Variants in NAT10 observed in about 807,000 individuals in gnomAD.
NAT10 encodes the protein RNA cytidine acetyltransferase.
A neutral mutation model predicts 132.2 loss-of-function variants in NAT10; 109 were observed. That is an observed-to-expected ratio of 0.82 (90% CI 0.71 to 0.97). The LOEUF (loss-of-function observed/expected upper bound fraction) is 0.97. Among genes scored for constraint, NAT10 ranks in the 50% least tolerant of loss-of-function variants. The pLI is 0.00. For missense variants in NAT10, 1,184 were observed against 1,263.4 expected, an observed-to-expected ratio of 0.94 and a Z score of 0.95; for synonymous variants, 479 against 478.0, an observed-to-expected ratio of 1.00 and a Z score of -0.03.
rs1852121153 is a variant in NAT10, at chr11:34,132,354, C to T, written c.1617+133C>T. ...TCCATTGGGACATTGATGAGTTCCA[C>T]TGATCTTGCTGTGTGTAGGTATAGA... On this transcript the variant is annotated intron_variant, in intron 15 of 28. Coordinates refer to ENST00000257829, the MANE Select transcript of NAT10 (RefSeq NM_024662.3). 1.7e-5 allele frequency: 13 copies of T among 746,698 alleles called. No individual in the cohort carries two copies. In the East Asian group the frequency reaches 3.3e-4, roughly 19 times the overall value. 46.3% of individuals were successfully genotyped at this position (746,698 alleles called of 1,614,324 possible). A position where few individuals can be genotyped will look rare whatever the true frequency, so the allele number is the denominator to read the frequency against.
chr11:34,108,354 C>G (rs756810947), intron 2 of NAT10, 21 bp downstream of exon 2: 1 of 1,566,798 alleles, frequency 6.4e-7, no homozygotes. Flanking sequence ...GTAAATGCTT[C>G]CTGAATTACT....
intron 16 of NAT10, 29 bp from the exon 17 acceptor site, chr11:34,134,290 C>T (rs759044963): frequency 1.3e-6 from 2 of 1,595,766 alleles, no homozygotes; most frequent in South Asian, 2.2e-5. Flanking sequence ...GTTGGCCTTT[C>T]TGCCTGCACT....
At chr11:34,128,861 G>T (rs938597148) in intron 12 of NAT10, among the ~76,000 whole-genome samples, 1 of 152,044 alleles carries the variant, frequency 6.6e-6, no homozygotes, top group Non-Finnish European at 1.5e-5. Flanking sequence ...CCAACCCTAG[G>T]GAGTCACTAA....
intron 4 of NAT10, 57 bp from the exon 5 acceptor site, chr11:34,113,659 A>T: frequency 1.4e-6 from 2 of 1,475,316 alleles, no homozygotes; most frequent in Admixed American, 2.3e-5. Flanking sequence ...AAAAAAAAAA[A>T]AGTCCTTTGG....
At chr11:34,129,463 T>G (rs1852061690) in intron 12 of NAT10, among the ~76,000 whole-genome samples, 1 of 152,144 alleles carries the variant, frequency 6.6e-6, no homozygotes, top group African/African-American at 2.4e-5. Context: ...TCTGTTCATC[T>G]CTCCAATTGG....
At position 34,133,116 on chromosome 11, in the gene NAT10, C is replaced by T; in HGVS notation, c.1708C>T (p.Leu570Phe). 1 of 1,614,014 alleles carries T rather than the reference C, an allele frequency of 6.2e-7. No individual in the cohort carries two copies. The highest frequency in any genetic ancestry group is 8.5e-7 in the Non-Finnish European group (1 of 1,179,874). Residue 570 changes from leucine to phenylalanine, a missense_variant, in exon 16 of 29, where the codon CTT becomes TTT. Leu to Phe is a conservative substitution (Grantham distance 22). Coordinates refer to ENST00000257829, the MANE Select transcript of NAT10 (RefSeq NM_024662.3). ...TCCCGTGCCCCCCACCCAGAATGCC[C>T]TTCCAGAAGTGCTTGCTGTTATCCA... ...LPPVPPTQNA[L>F]PEVLAVIQVC...
In NAT10 at chr11:34,112,287, C is replaced by A. The variant is rs527495451; in HGVS notation, c.372+64C>A. On this transcript the variant is annotated intron_variant, in intron 4 of 28. Coordinates refer to ENST00000257829, the MANE Select transcript of NAT10 (RefSeq NM_024662.3). ...CTTGAGGGTTGCTTGGGCTGCCTGGCTTTCCACTGGGAACAGATGTACAGT... is the reference window on the plus strand; with the variant it reads ...CTTGAGGGTTGCTTGGGCTGCCTGGATTTCCACTGGGAACAGATGTACAGT... 4.4e-6 allele frequency: 7 copies of A among 1,584,330 alleles called. No homozygotes were observed. In the East Asian group the frequency reaches 1.1e-4, roughly 25 times the overall value.
intron 5 of NAT10, among the ~76,000 whole-genome samples, chr11:34,114,845 G>A (rs1851757398): frequency 6.6e-6 from 1 of 152,138 alleles, no homozygotes; most frequent in East Asian, 1.9e-4. Flanking sequence ...CTGTCCTCCT[G>A]TACTAGTCTC....
At chr11:34,136,890 G>A (rs1431485560) in intron 20 of NAT10, 88 bp from the exon 21 acceptor site, 10 of 1,608,418 alleles carry the variant, frequency 6.2e-6, no homozygotes, top group East Asian at 4.5e-5. Context: ...TATTTGTGGC[G>A]TGCTCTTCCT....
intron 6 of NAT10, among the ~76,000 whole-genome samples, chr11:34,117,666 A>T (rs549191051): frequency 6.6e-6 from 1 of 152,310 alleles, no homozygotes; most frequent in South Asian, 2.1e-4. Flanking sequence ...TTTTATAGTC[A>T]AACGCATTTT....
chr11:34,144,173 G>T (rs1040951461), intron 28 of NAT10, among the ~76,000 whole-genome samples: 1 of 152,122 alleles, frequency 6.6e-6, no homozygotes, highest in Non-Finnish European at 1.5e-5. Flanking sequence ...AGTGGCTCAC[G>T]CCTGTAATCT....
chr11:34,119,983 CA>C (rs1369434443), intron 8 of NAT10, among the ~76,000 whole-genome samples: 3 of 152,160 alleles, frequency 2.0e-5, no homozygotes, highest in South Asian at 2.1e-4. Flanking sequence ...TACACCCTCG[CA>C]GCCGTGATTC....
Position 34,127,547 on chromosome 11 carries a change from G to A in NAT10, c.1192G>A (p.Val398Met). ...AGCTGCCGCCATCCCCCTCCCCTTGGTGAAGAGCCTACTTGGCCCCTACCT... is the reference window on the plus strand; with the variant it reads ...AGCTGCCGCCATCCCCCTCCCCTTGATGAAGAGCCTACTTGGCCCCTACCT... ...DEAAAIPLPL[V>M]KSLLGPYLVF... The change falls in exon 12 of 29, where the codon GTG becomes ATG. Residue 398 changes from valine (V) to methionine (M), a missense_variant. Physicochemically the swap from Val to Met is conservative, Grantham distance 21 (BLOSUM62 1). Coordinates refer to ENST00000257829, the MANE Select transcript of NAT10 (RefSeq NM_024662.3). 1 of 1,614,102 alleles carries A rather than the reference G, an allele frequency of 6.2e-7. No individual in the cohort carries two copies. The highest frequency in any genetic ancestry group is 8.5e-7 in the Non-Finnish European group (1 of 1,180,000).
chr11:34,139,190 G>T lies in NAT10; in HGVS notation c.2212-1G>T. 8 of 1,613,674 alleles carry T rather than the reference G, an allele frequency of 5.0e-6. No homozygotes were observed. The highest frequency in any genetic ancestry group is 6.8e-6 in the Non-Finnish European group (8 of 1,179,638). ...GCCAGTTAAACCTCTGTGTTGCCCA[G>T]AATGACCTGACCGGAGAGCACTCGT... On this transcript the variant is annotated splice_acceptor_variant, in intron 21 of 28. Coordinates refer to ENST00000257829, the MANE Select transcript of NAT10 (RefSeq NM_024662.3). LOFTEE classifies it high-confidence loss of function.
intron 12 of NAT10, among the ~76,000 whole-genome samples, 169 bp from the exon 13 acceptor site, chr11:34,130,644 G>T (rs573882338): frequency 7.2e-5 from 11 of 152,346 alleles, no homozygotes; most frequent in African/African-American, 2.4e-4. Context: ...GTGCCACCCT[G>T]CCTCCTTTGG....
chr11:34,136,943 A>C (rs1852228610), intron 20 of NAT10, 35 bp from the exon 21 acceptor site: 1 of 1,613,952 alleles, frequency 6.2e-7, no homozygotes, highest in Non-Finnish European at 8.5e-7. Flanking sequence ...CCCAGAGGCC[A>C]CACACAGTGA....
At chr11:34,134,704 C>A in intron 18 of NAT10, 118 bp downstream of exon 18, 1 of 916,642 alleles carries the variant, frequency 1.1e-6, no homozygotes, top group East Asian at 2.4e-5. Flanking sequence ...TAGGCACTTC[C>A]CTGCTCTGGA....
rs1262964071 is a variant in NAT10, at chr11:34,118,325, G to C, written c.672+31G>C. On this transcript the variant is annotated intron_variant, in intron 7 of 28. Transcript: ENST00000257829. Reference sequence around the variant, plus strand: ...TCTGTGCTGGGGTCCAGGAATCTGGGGGAGGCTACGTTTTCTGTGTTGTTC... The same window carrying C: ...TCTGTGCTGGGGTCCAGGAATCTGGCGGAGGCTACGTTTTCTGTGTTGTTC... The C allele has an allele frequency of 1.9e-6, 3 of 1,611,416 alleles. No individual in the cohort carries two copies. In the African/African-American group the frequency reaches 4.0e-5, roughly 21 times the overall value.
chr11:34,139,024 G>A lies in NAT10; in HGVS notation c.2212-167G>A, dbSNP rs78096877. On this transcript the variant is annotated intron_variant, in intron 21 of 28. Transcript: ENST00000257829. Reference sequence around the variant, plus strand: ...GTGTGAACTGAGGTGATATGAGGAAGGTGAAGGCGAGGGCTGTTTGAGAAG... The same window carrying A: ...GTGTGAACTGAGGTGATATGAGGAAAGTGAAGGCGAGGGCTGTTTGAGAAG... 1,112 of 601,160 alleles carry A rather than the reference G, an allele frequency of 1.8e-3. 19 individuals are homozygous for A. The East Asian group carries it at 0.028, about 15-fold the overall frequency. The allele number at this position is 601,160 out of a possible 1,614,324, so 37.2% of individuals were successfully genotyped here. A position where few individuals can be genotyped will look rare whatever the true frequency, so the allele number is the denominator to read the frequency against.
Sources: gnomAD v4.1 joint callset for allele counts (sites outside exome capture counted in the v4.1 genomes callset) on GRCh38, gnomAD v4.1.1 for gene constraint, MANE v1.5 for transcripts, NCBI Gene and HGNC (gene_info 2026-07-23, HGNC 2026-07-21) for gene names.